SPON1: variants seen among roughly 807,000 people sequenced by gnomAD.
The protein encoded by SPON1 is spondin-1.
SPON1 carries 52 observed loss-of-function variants against 111.7 expected under a neutral mutation model. The observed-to-expected ratio is 0.47, with a 90% CI of 0.37 to 0.59. SPON1 has a LOEUF of 0.59. Among genes scored for constraint, SPON1 ranks in the 20% least tolerant of loss-of-function variants. The pLI is 0.00. For synonymous variants in SPON1, 410 were observed against 395.8 expected, an observed-to-expected ratio of 1.04 and a Z score of -0.43; for missense variants, 957 against 1,068.5, an observed-to-expected ratio of 0.90 and a Z score of 1.46.
At chr11:13,970,863 C>T (rs953601919) in intron 1 of SPON1, among the ~76,000 whole-genome samples, 2 of 152,172 alleles carry the variant, frequency 1.3e-5, no homozygotes, top group African/African-American at 2.4e-5. Flanking sequence ...GAAATTCTCT[C>T]GTTTATTGTC....
intron 6 of SPON1, among the ~76,000 whole-genome samples, chr11:14,225,990 A>T (rs1848735044): frequency 6.6e-6 from 1 of 152,248 alleles, no homozygotes; most frequent in East Asian, 1.9e-4. Flanking sequence ...TTTTGATTAC[A>T]ATCTTCAATT....
At chr11:14,087,373 C>A (rs1554922766) in intron 5 of SPON1, among the ~76,000 whole-genome samples, 1 of 152,072 alleles carries the variant, frequency 6.6e-6, no homozygotes, top group African/African-American at 2.4e-5. Flanking sequence ...TCAAAGAACT[C>A]ATTTATTTCT....
At chr11:14,126,780 G>T (rs369797027) in intron 5 of SPON1, among the ~76,000 whole-genome samples, 3 of 152,198 alleles carry the variant, frequency 2.0e-5, no homozygotes, top group South Asian at 4.1e-4. Flanking sequence ...CTTTAACCTC[G>T]TCTCCTTTTT....
chr11:13,964,601 G>T (rs915460533), intron 1 of SPON1, among the ~76,000 whole-genome samples: 8 of 152,306 alleles, frequency 5.3e-5, no homozygotes, highest in Non-Finnish European at 1.0e-4. Context: ...ACTTTGCGAG[G>T]AACAGTCTGA....
intron 5 of SPON1, among the ~76,000 whole-genome samples, chr11:14,081,254 C>A (rs782583232): frequency 6.6e-6 from 1 of 152,108 alleles, no homozygotes; most frequent in Non-Finnish European, 1.5e-5. Context: ...CTGTGCTCAG[C>A]TCTAGAGTTA....
chr11:13,991,214 C>A (rs1307358308), intron 2 of SPON1, among the ~76,000 whole-genome samples: 1 of 152,216 alleles, frequency 6.6e-6, no homozygotes, highest in Non-Finnish European at 1.5e-5. Flanking sequence ...GTACACCCAT[C>A]AAACATAGAT....
rs1554941630 is a variant in SPON1, at chr11:14,259,367, A to C, written c.1580A>C (p.Tyr527Ser). 1 of 1,611,386 alleles carries C rather than the reference A, an allele frequency of 6.2e-7. No individual in the cohort carries two copies. The highest frequency in any genetic ancestry group is 1.1e-5 in the South Asian group (1 of 90,528). The change falls in exon 12 of 16, where the codon TAT (tyrosine) becomes TCT (serine). Residue 527 changes from tyrosine (Y) to serine (S), a missense_variant. Transcript: ENST00000576479. The surrounding 1 kb of genome is among the most constrained non-coding windows in gnomAD (Gnocchi z 5.0). ...CGMGMRSRER[Y>S]VKQFPEDGSV... ...ATGGGCATGAGGTCCCGGGAGAGGT[A>C]TGTGAAGCAGTTCCCGGAGGACGGC...
At chr11:13,973,520 C>G (rs147025522) in intron 1 of SPON1, among the ~76,000 whole-genome samples, 3 of 152,184 alleles carry the variant, frequency 2.0e-5, no homozygotes, top group Admixed American at 6.5e-5. Flanking sequence ...TGTTCCACGA[C>G]GAGGTCACAC....
chr11:14,045,142 T>G (rs1310510858), intron 3 of SPON1, among the ~76,000 whole-genome samples: 1 of 152,236 alleles, frequency 6.6e-6, no homozygotes, highest in Non-Finnish European at 1.5e-5. Context: ...ACACTCTCCC[T>G]GACTGTGAAC....
At chr11:14,194,956 C>A (rs1397571675) in intron 6 of SPON1, among the ~76,000 whole-genome samples, 2 of 152,190 alleles carry the variant, frequency 1.3e-5, no homozygotes, top group Middle Eastern at 3.4e-3. Context: ...CTAGAGGGGG[C>A]AGTCTACGTG....
Position 14,006,302 on chromosome 11 carries a change from T to A in SPON1, c.345+23349T>A, listed in dbSNP as rs1204680112. 2.0e-5 allele frequency among the ~76,000 whole-genome samples: 3 copies of A among 152,172 alleles called. No homozygotes were observed. In the East Asian group the frequency reaches 5.8e-4, roughly 29 times the overall value. The stretch of plus-strand genomic sequence containing the variant: ...TAGCAGAAATTGTTTTTTGGTTTTT[T>A]TTGGCAAGGGGAGAGGGACACCAAA... On this transcript the variant is annotated intron_variant, in intron 2 of 15. Coordinates refer to ENST00000576479, the MANE Select transcript of SPON1 (RefSeq NM_006108.4).
chr11:14,077,808 A>G (rs868964277), intron 4 of SPON1, among the ~76,000 whole-genome samples: 2 of 151,252 alleles, frequency 1.3e-5, no homozygotes, highest in East Asian at 1.9e-4. Context: ...CTTTAATACC[A>G]TGTCACAAGC....
chr11:13,970,709 C>T (rs1411015316), intron 1 of SPON1, among the ~76,000 whole-genome samples: 1 of 152,156 alleles, frequency 6.6e-6, no homozygotes, highest in Non-Finnish European at 1.5e-5. Flanking sequence ...CTCTTCATGC[C>T]TGGGATGGTT....
intron 1 of SPON1, among the ~76,000 whole-genome samples, chr11:13,968,364 CTGTGTAGTTGGTGGCTACTTAGCCG>C (rs1391538390): frequency 6.6e-6 from 1 of 152,164 alleles, no homozygotes; most frequent in Non-Finnish European, 1.5e-5. Context: ...TTGCACTCTG[CTGTGTAGTTGGTGGCTACTTAGCCG>C]TGTGTAGCTA....
At chr11:14,175,324 A>G (rs895636330) in intron 6 of SPON1, among the ~76,000 whole-genome samples, 19 of 152,238 alleles carry the variant, frequency 1.2e-4, no homozygotes, top group Non-Finnish European at 2.6e-4. Flanking sequence ...AAATCAAAAG[A>G]AAGTATTCCC....
chr11:14,069,574 T>C (rs1159663384), intron 3 of SPON1, among the ~76,000 whole-genome samples: 1 of 152,146 alleles, frequency 6.6e-6, no homozygotes, highest in African/African-American at 2.4e-5. Flanking sequence ...GTTTCCTTTT[T>C]CTGTTTATCT....
intron 2 of SPON1, among the ~76,000 whole-genome samples, chr11:14,003,104 C>A (rs72856959): frequency 0.01 from 1,585 of 152,248 alleles, 13 homozygotes; most frequent in Admixed American, 0.015. Context: ...ACACATTCCT[C>A]AGTATCGCAG....
chr11:14,098,413 T>C (rs1040923983), intron 5 of SPON1, among the ~76,000 whole-genome samples: 3 of 152,260 alleles, frequency 2.0e-5, no homozygotes, highest in African/African-American at 7.2e-5. Flanking sequence ...CATTCTGTGA[T>C]GAGCCTAATT....
chr11:14,235,342 G>A (rs1205460933), intron 6 of SPON1, among the ~76,000 whole-genome samples: 7 of 152,190 alleles, frequency 4.6e-5, no homozygotes, highest in South Asian at 2.1e-4. Context: ...AAACACCCTC[G>A]CCCTCTTGGA....
Sources: allele counts gnomAD v4.1 joint callset (sites outside exome capture counted in the v4.1 genomes callset), GRCh38; gene constraint gnomAD v4.1.1; non-coding constraint Gnocchi (gnomAD v3.1); transcripts MANE v1.5; gene names NCBI Gene and HGNC (gene_info 2026-07-23, HGNC 2026-07-21).